SPMAP2L: variants seen among roughly 807,000 people sequenced by gnomAD.
The protein encoded by SPMAP2L is sperm microtubule associated protein 2-like.
chr4:56,580,990 G>A, the SPMAP2L span, among the ~76,000 whole-genome samples: 1,039 of 152,192 alleles, frequency 6.8e-3, 14 homozygotes, highest in African/African-American at 0.024. Flanking sequence ...ACACTATGCT[G>A]AGTTTAATAA....
chr4:56,592,108 G>A, the SPMAP2L span, among the ~76,000 whole-genome samples: 2 of 152,334 alleles, frequency 1.3e-5, no homozygotes, highest in East Asian at 1.9e-4. Context: ...CAGATCAGCA[G>A]TGGCATTAGA....
At chr4:56,594,183 C>T in the SPMAP2L span, 1 of 1,613,092 alleles carries the variant, frequency 6.2e-7, no homozygotes, top group East Asian at 2.2e-5. Context: ...AGAGGTATTC[C>T]AGGGTCTGTG....
chr4:56,546,062 G>A, the SPMAP2L span, among the ~76,000 whole-genome samples: 49 of 152,222 alleles, frequency 3.2e-4, 1 homozygote, highest in African/African-American at 1.2e-3. Flanking sequence ...CCAAAGTGTT[G>A]GGATTACAGG....
the SPMAP2L span, among the ~76,000 whole-genome samples, chr4:56,571,116 G>A: frequency 4.8e-5 from 7 of 144,624 alleles, no homozygotes; most frequent in African/African-American, 7.9e-5. Context: ...TACTTTATAA[G>A]CTTTTTAACT....
At chr4:56,615,387 C>A in the SPMAP2L span, among the ~76,000 whole-genome samples, 2 of 152,160 alleles carry the variant, frequency 1.3e-5, no homozygotes, top group Non-Finnish European at 2.9e-5. Flanking sequence ...ACGCTATGCC[C>A]GCAGGCACTA....
At chr4:56,579,849 A>C in the SPMAP2L span, among the ~76,000 whole-genome samples, 1 of 152,240 alleles carries the variant, frequency 6.6e-6, no homozygotes, top group Non-Finnish European at 1.5e-5. Flanking sequence ...TGAAATGGAC[A>C]AATTATTATA....
chr4:56,534,158 C>T, the SPMAP2L span, among the ~76,000 whole-genome samples: 2 of 152,134 alleles, frequency 1.3e-5, no homozygotes, highest in Admixed American at 1.3e-4. Flanking sequence ...TCCTCTTTCC[C>T]CCTTTTTCCC....
the SPMAP2L span, among the ~76,000 whole-genome samples, chr4:56,580,777 A>G: frequency 8.4e-4 from 128 of 152,354 alleles, 2 homozygotes; most frequent in Middle Eastern, 3.4e-3. Context: ...CTAATAAATT[A>G]GTTCAAGAAG....
the SPMAP2L span, among the ~76,000 whole-genome samples, chr4:56,587,745 AT>A: frequency 6.6e-5 from 10 of 152,024 alleles, no homozygotes; most frequent in Non-Finnish European, 1.5e-4. Context: ...TGGTTCCATG[AT>A]TTTGCAATTC....
At chr4:56,595,340 T>C in the SPMAP2L span, 3 of 1,608,428 alleles carry the variant, frequency 1.9e-6, no homozygotes, top group African/African-American at 4.0e-5. Context: ...GCCCCTATCA[T>C]GCCCTGGCCT....
the SPMAP2L span, among the ~76,000 whole-genome samples, chr4:56,620,639 C>A: frequency 6.6e-6 from 1 of 152,242 alleles, no homozygotes; most frequent in Non-Finnish European, 1.5e-5. Context: ...CCCGCCTCGG[C>A]CTCCCAAAGT....
the SPMAP2L span, chr4:56,595,217 G>A: frequency 1.9e-6 from 3 of 1,611,544 alleles, no homozygotes; most frequent in Non-Finnish European, 2.5e-6. Flanking sequence ...CTTTTCAGGG[G>A]TGCAAGAGGT....
the SPMAP2L span, chr4:56,594,058 A>G: frequency 2.2e-5 from 35 of 1,610,870 alleles, no homozygotes; most frequent in South Asian, 3.7e-4. Flanking sequence ...AGGATGGCAC[A>G]CTTGGTATTT....
the SPMAP2L span, among the ~76,000 whole-genome samples, chr4:56,558,942 T>C: frequency 6.6e-6 from 1 of 152,216 alleles, no homozygotes; most frequent in South Asian, 2.1e-4. Context: ...ACTACTTCTT[T>C]CTTTTTTTTG....
the SPMAP2L span, chr4:56,593,041 G>T: frequency 6.3e-7 from 1 of 1,593,022 alleles, no homozygotes; most frequent in Middle Eastern, 1.8e-4. Flanking sequence ...GCAAAAACCA[G>T]ATCTGGAGAT....
At chr4:56,619,720 T>C in the SPMAP2L span, among the ~76,000 whole-genome samples, 2 of 152,010 alleles carry the variant, frequency 1.3e-5, no homozygotes, top group Non-Finnish European at 2.9e-5. Flanking sequence ...AATAAGTAAG[T>C]GAAACTACAA....
At chr4:56,564,322 T>C in the SPMAP2L span, among the ~76,000 whole-genome samples, 1 of 152,054 alleles carries the variant, frequency 6.6e-6, no homozygotes, top group Non-Finnish European at 1.5e-5. Flanking sequence ...GTATTTTTAG[T>C]AGAGACGGAG....
At chr4:56,603,368 C>T in the SPMAP2L span, 1 of 1,367,216 alleles carries the variant, frequency 7.3e-7, no homozygotes, top group Non-Finnish European at 9.9e-7. Flanking sequence ...GTATCTAGAA[C>T]ACATATTAGA....
chr4:56,539,802 C>T, the SPMAP2L span, among the ~76,000 whole-genome samples: 730 of 152,270 alleles, frequency 4.8e-3, 7 homozygotes, highest in African/African-American at 0.017. Context: ...AAGGCCCTGA[C>T]TTCTCTCCCT....
Sources: gnomAD v4.1 joint callset for allele counts (sites outside exome capture counted in the v4.1 genomes callset) on GRCh38, gnomAD v4.1.1 for gene constraint, MANE v1.5 for transcripts, NCBI Gene and HGNC (gene_info 2026-07-23, HGNC 2026-07-21) for gene names.